ZNF676: variants seen among roughly 807,000 people sequenced by gnomAD.
ZNF676 encodes the protein zinc finger protein 676.
A neutral mutation model predicts 6.0 loss-of-function variants in ZNF676; 4 were observed. The ratio of observed to expected loss-of-function variants is 0.67; its 90% CI spans 0.33 to 1.53. The LOEUF (loss-of-function observed/expected upper bound fraction) is 1.53, where lower values mean the gene tolerates loss of function less well. Ranked by LOEUF, ZNF676 falls within the 40% of genes most tolerant of loss-of-function variation. ZNF676 has a pLI of 0.06. For synonymous variants in ZNF676, 198 were observed against 223.1 expected, an observed-to-expected ratio of 0.89 and a Z score of 1.00; for missense variants, 644 against 679.7, an observed-to-expected ratio of 0.95 and a Z score of 0.58.
At chr19:22,228,987 T>C in the ZNF676 span, among the ~76,000 whole-genome samples, 8 of 152,032 alleles carry the variant, frequency 5.3e-5, no homozygotes, top group Admixed American at 1.3e-4. Context: ...CTTCACAGCA[T>C]TGGAAAAAAC....
At chr19:22,191,478 T>C (rs538060254) in intron 2 of ZNF676, among the ~76,000 whole-genome samples, 3 of 152,254 alleles carry the variant, frequency 2.0e-5, no homozygotes, top group South Asian at 2.1e-4. Flanking sequence ...GTCGTCCCAA[T>C]AGCAGTTCCA....
In ZNF676 at chr19:22,193,291, C is replaced by G. The variant is rs537739052; in HGVS notation, c.35-180G>C. ...GCAGTTGCTTAAAGTTCTGTTGAAA[C>G]AGTCTGGAGCTCAAGTTAATTCACA... is the stretch of plus-strand genomic sequence containing the variant. On this transcript the variant is annotated intron_variant, in intron 1 of 2. Transcript: ENST00000397121. 3.3e-5 allele frequency among the ~76,000 whole-genome samples: 5 copies of G among 152,252 alleles called. No individual in the cohort carries two copies. The South Asian group carries it at 8.3e-4, about 25-fold the overall frequency.
upstream of ZNF676, among the ~76,000 whole-genome samples, chr19:22,216,148 C>G (rs375554883): frequency 3.0e-4 from 45 of 152,322 alleles, no homozygotes; most frequent in South Asian, 9.3e-3. Flanking sequence ...ATTATCAATA[C>G]TAAAGGCTGG....
intron 1 of ZNF676, among the ~76,000 whole-genome samples, chr19:22,204,686 C>T (rs1262175815): frequency 1.3e-5 from 2 of 152,052 alleles, no homozygotes; most frequent in African/African-American, 4.8e-5. Flanking sequence ...TAAATTAATC[C>T]GATCTTTGTG....
At chr19:22,188,480 T>A (rs1405331034) in intron 2 of ZNF676, among the ~76,000 whole-genome samples, 1 of 152,158 alleles carries the variant, frequency 6.6e-6, no homozygotes, top group Admixed American at 6.6e-5. Context: ...TCACCACTCC[T>A]ATTCAACATA....
upstream of ZNF676, among the ~76,000 whole-genome samples, chr19:22,218,171 T>C (rs573880493): frequency 2.6e-5 from 4 of 152,334 alleles, no homozygotes; most frequent in Non-Finnish European, 4.4e-5. Context: ...TTTGTTTTTG[T>C]TGCATTTGCT....
At chr19:22,198,762 T>C (rs2023996963), upstream of ZNF676, among the ~76,000 whole-genome samples, 1 of 151,902 alleles carries the variant, frequency 6.6e-6, no homozygotes, top group Non-Finnish European at 1.5e-5. Context: ...AAAATATGCT[T>C]TTCTTTATTT....
At chr19:22,249,234 G>T in the ZNF676 span, among the ~76,000 whole-genome samples, 2 of 152,084 alleles carry the variant, frequency 1.3e-5, no homozygotes, top group Non-Finnish European at 2.9e-5. Context: ...TCATAAGATG[G>T]CATAAAAATG....
At chr19:22,184,131 G>A (rs996616041) in intron 2 of ZNF676, among the ~76,000 whole-genome samples, 7 of 152,164 alleles carry the variant, frequency 4.6e-5, no homozygotes, top group East Asian at 1.9e-4. Flanking sequence ...GAAGGTGGGT[G>A]GTTTCTGCAT....
chr19:22,239,677 G>T, the ZNF676 span, among the ~76,000 whole-genome samples: 1 of 152,188 alleles, frequency 6.6e-6, no homozygotes, highest in Admixed American at 6.5e-5. Context: ...AATCTTCTGT[G>T]ACTCTCATAG....
At chr19:22,236,985 G>A in the ZNF676 span, among the ~76,000 whole-genome samples, 3 of 152,176 alleles carry the variant, frequency 2.0e-5, no homozygotes, top group Non-Finnish European at 4.4e-5. Context: ...GAGAGACCAC[G>A]GTTCCCACTG....
the ZNF676 span, among the ~76,000 whole-genome samples, chr19:22,255,535 A>G: frequency 6.6e-6 from 1 of 152,140 alleles, no homozygotes; most frequent in South Asian, 2.1e-4. Context: ...TCACTTTCCT[A>G]TGAGCTGCAT....
At chr19:22,184,121 G>A (rs1455776083) in intron 2 of ZNF676, among the ~76,000 whole-genome samples, 1 of 152,170 alleles carries the variant, frequency 6.6e-6, no homozygotes, top group Middle Eastern at 3.2e-3. Flanking sequence ...GACTGACACA[G>A]AAGGTGGGTG....
Position 22,192,956 on chromosome 19 carries a change from C to A in ZNF676, c.130+60G>T, listed in dbSNP as rs1220485798. ...ACAGCTTCCCAAATGACTTTAAGGACTGGCTTCCTCATTGACTTTGGACTT... is the reference window on the plus strand; with the variant it reads ...ACAGCTTCCCAAATGACTTTAAGGAATGGCTTCCTCATTGACTTTGGACTT... On this transcript the variant is annotated intron_variant, in intron 2 of 2. Coordinates refer to ENST00000397121, the MANE Select transcript of ZNF676 (RefSeq NM_001001411.3). 9 of 1,510,404 alleles carry A rather than the reference C, an allele frequency of 6.0e-6. No homozygotes were observed. In the East Asian group the frequency reaches 2.0e-4, roughly 33 times the overall value. The allele number at this position is 1,510,404 out of a possible 1,614,324, so 93.6% of individuals were successfully genotyped here. A position where few individuals can be genotyped will look rare whatever the true frequency, so the allele number is the denominator to read the frequency against.
intron 1 of ZNF676, among the ~76,000 whole-genome samples, chr19:22,215,212 A>G (rs2024171552): frequency 6.6e-6 from 1 of 152,002 alleles, no homozygotes. Context: ...TTTTGGAATC[A>G]CTCTTAAATT....
At chr19:22,241,677 C>T in the ZNF676 span, among the ~76,000 whole-genome samples, 3 of 151,616 alleles carry the variant, frequency 2.0e-5, no homozygotes, top group African/African-American at 4.9e-5. Context: ...TGCTCTGAGA[C>T]CTCCATGCTG....
chr19:22,227,789 C>T, the ZNF676 span, among the ~76,000 whole-genome samples: 1 of 151,982 alleles, frequency 6.6e-6, no homozygotes, highest in South Asian at 2.1e-4. Flanking sequence ...GGACACATAC[C>T]CTCTGAAGAC....
chr19:22,250,595 G>A, the ZNF676 span, among the ~76,000 whole-genome samples: 1 of 151,716 alleles, frequency 6.6e-6, no homozygotes, highest in Admixed American at 6.6e-5. Context: ...TTTTTTGTTT[G>A]TTTGTTTGTT....
At chr19:22,250,402 A>G in the ZNF676 span, among the ~76,000 whole-genome samples, 1 of 152,108 alleles carries the variant, frequency 6.6e-6, no homozygotes, top group Non-Finnish European at 1.5e-5. Flanking sequence ...CTTTTTAATA[A>G]TCTTTAAGAA....
Sources: gnomAD v4.1 joint callset for allele counts (sites outside exome capture counted in the v4.1 genomes callset) on GRCh38, gnomAD v4.1.1 for gene constraint, MANE v1.5 for transcripts, NCBI Gene and HGNC (gene_info 2026-07-23, HGNC 2026-07-21) for gene names.